The following HDAC9 variants were observed in gnomAD, a reference collection of about 807,000 sequenced individuals.
HDAC9 encodes the protein histone deacetylase 9.
HDAC9 carries 41 observed loss-of-function variants against 139.4 expected under a neutral mutation model. That is an observed-to-expected ratio of 0.29 (90% CI 0.23 to 0.38). The LOEUF (loss-of-function observed/expected upper bound fraction) is 0.38. Among genes scored for constraint, HDAC9 ranks in the 10% least tolerant of loss-of-function variants. The pLI is 1.00. For synonymous variants in HDAC9, 517 were observed against 476.2 expected (o/e 1.09, Z -1.12); for missense variants, 1,147 against 1,297.0 (o/e 0.88, Z 1.78).
chr7:18,225,432 G>T (rs948535539), intron 2 of HDAC9, among the ~76,000 whole-genome samples: 19 of 152,138 alleles, frequency 1.2e-4, no homozygotes, highest in Middle Eastern at 3.4e-3. Flanking sequence ...ATTCTTTTTG[G>T]AATGTTTTTC....
At chr7:18,188,013 G>A (rs535194664) in intron 2 of HDAC9, among the ~76,000 whole-genome samples, 29 of 152,212 alleles carry the variant, frequency 1.9e-4, no homozygotes, top group African/African-American at 7.0e-4. Flanking sequence ...AATTTCATAT[G>A]GAATCAAAGA....
chr7:18,267,795 C>T (rs1415010631), intron 2 of HDAC9, among the ~76,000 whole-genome samples: 1 of 152,072 alleles, frequency 6.6e-6, no homozygotes, highest in Non-Finnish European at 1.5e-5. Context: ...TACTTCATTT[C>T]CTTTTGATAC....
intron 2 of HDAC9, among the ~76,000 whole-genome samples, chr7:18,580,415 GA>G (rs1343600111): frequency 2.6e-5 from 4 of 152,100 alleles, no homozygotes; most frequent in African/African-American, 9.7e-5. Context: ...TATTTATGTG[GA>G]AAAGTTCTGA....
Position 18,112,843 on chromosome 7 carries a change from A to G in HDAC9, c.-97+25630A>G, listed in dbSNP as rs188739354. On this transcript the variant is annotated intron_variant, in intron 1 of 12. Transcript: ENST00000417496. ...GGTCACACGTACTTTTTTGAAAAGT[A>G]TGGCAGAGAAGGGATGTTGCATAGG... Among the ~76,000 whole-genome samples, 3 of 152,312 alleles carry G rather than the reference A, an allele frequency of 2.0e-5. No individual in the cohort carries two copies. In the East Asian group the frequency reaches 5.8e-4, roughly 29 times the overall value.
chr7:18,091,027 G>A (rs994014925), intron 1 of HDAC9, among the ~76,000 whole-genome samples: 1 of 152,106 alleles, frequency 6.6e-6, no homozygotes, highest in Admixed American at 6.5e-5. Context: ...ATATTATCCA[G>A]CTTGCAGAAG....
At chr7:18,737,526 C>T (rs1010309128) in intron 13 of HDAC9, among the ~76,000 whole-genome samples, 2 of 152,132 alleles carry the variant, frequency 1.3e-5, no homozygotes, top group Non-Finnish European at 2.9e-5. Flanking sequence ...TGTTCAGTTT[C>T]CATGTAGTTG....
At chr7:18,603,274 T>C (rs1311751743) in intron 6 of HDAC9, among the ~76,000 whole-genome samples, 2 of 152,106 alleles carry the variant, frequency 1.3e-5, no homozygotes, top group Non-Finnish European at 1.5e-5. Context: ...CTTCGTGTAT[T>C]GAGACAATTC....
intron 1 of HDAC9, among the ~76,000 whole-genome samples, chr7:18,122,857 G>T (rs1008981977): frequency 5.9e-5 from 9 of 152,146 alleles, no homozygotes; most frequent in Non-Finnish European, 2.9e-5. Flanking sequence ...GGCCTCAAGT[G>T]ATCTTCCTGC....
At chr7:18,590,921 A>T (rs1301156156) in intron 4 of HDAC9, among the ~76,000 whole-genome samples, 1 of 152,222 alleles carries the variant, frequency 6.6e-6, no homozygotes, top group Non-Finnish European at 1.5e-5. Context: ...AAGACATAAC[A>T]CATGCAAAAG....
intron 6 of HDAC9, among the ~76,000 whole-genome samples, chr7:18,596,274 C>A (rs1832472095): frequency 6.6e-6 from 1 of 152,032 alleles, no homozygotes; most frequent in Non-Finnish European, 1.5e-5. Flanking sequence ...TTCCTTAATT[C>A]AATTCCAATT....
intron 16 of HDAC9, among the ~76,000 whole-genome samples, chr7:18,767,549 A>T (rs969246148): frequency 6.6e-6 from 1 of 152,222 alleles, no homozygotes; most frequent in East Asian, 1.9e-4. Flanking sequence ...GAGTACGCAC[A>T]TACATTATAT....
chr7:18,950,429 T>C (rs796811551), intron 23 of HDAC9, among the ~76,000 whole-genome samples: 1 of 152,234 alleles, frequency 6.6e-6, no homozygotes, highest in African/African-American at 2.4e-5. Flanking sequence ...AACCATATCC[T>C]GATTACAGCA....
At chr7:18,767,549 A>G (rs969246148) in intron 16 of HDAC9, among the ~76,000 whole-genome samples, 2 of 152,222 alleles carry the variant, frequency 1.3e-5, no homozygotes, top group Non-Finnish European at 2.9e-5. Flanking sequence ...GAGTACGCAC[A>G]TACATTATAT....
At chr7:18,992,439 C>T (rs1352516417) in intron 25 of HDAC9, among the ~76,000 whole-genome samples, 1 of 151,744 alleles carries the variant, frequency 6.6e-6, no homozygotes, top group East Asian at 1.9e-4. Context: ...AAATATATAC[C>T]CACAAAACAA....
At chr7:18,567,475 C>T (rs1446040677) in intron 2 of HDAC9, among the ~76,000 whole-genome samples, 2 of 152,094 alleles carry the variant, frequency 1.3e-5, no homozygotes, top group African/African-American at 2.4e-5. Flanking sequence ...AAAGCTTGAA[C>T]TTAAAATTTT....
At chr7:18,275,819 G>A (rs754259571) in intron 2 of HDAC9, among the ~76,000 whole-genome samples, 14 of 152,036 alleles carry the variant, frequency 9.2e-5, no homozygotes, top group Middle Eastern at 3.2e-3. Context: ...TCCATGCTTC[G>A]TTTTTGTTTA....
At chr7:18,945,432 T>A (rs768590689) in intron 23 of HDAC9, among the ~76,000 whole-genome samples, 2 of 152,230 alleles carry the variant, frequency 1.3e-5, no homozygotes, top group Non-Finnish European at 2.9e-5. Context: ...TGTTGAAATA[T>A]CTTGTCTTTT....
chr7:18,180,640 A>G (rs73317837), intron 2 of HDAC9, among the ~76,000 whole-genome samples: 3,718 of 152,244 alleles, frequency 0.024, 155 homozygotes, highest in African/African-American at 0.084. Context: ...GGAAACCCCA[A>G]TCTGCCCTAA....
rs79074070 is a variant in HDAC9, at chr7:18,614,385, G to T, written c.665-14965G>T. ...CATGCAAGCTTGACTTTTGGGTTCA[G>T]TTCTGTCTCTGTTGTCTTCTTTGTT... is the stretch of plus-strand genomic sequence containing the variant. On this transcript the variant is annotated intron_variant, in intron 6 of 25. Transcript: ENST00000686413. 2.4e-3 allele frequency among the ~76,000 whole-genome samples: 358 copies of T among 152,214 alleles called. 1 individual carries two copies. The highest frequency in any genetic ancestry group is 8.4e-3 in the African/African-American group (349 of 41,544).
Sources: allele counts gnomAD v4.1 joint callset (sites outside exome capture counted in the v4.1 genomes callset), GRCh38; gene constraint gnomAD v4.1.1; transcripts MANE v1.5; gene names NCBI Gene and HGNC (gene_info 2026-07-23, HGNC 2026-07-21).